FBN3: variants seen among roughly 807,000 people sequenced by gnomAD.
The protein encoded by FBN3 is fibrillin 3.
A neutral mutation model predicts 330.1 loss-of-function variants in FBN3; 234 were observed. That is an observed-to-expected ratio of 0.71 (90% CI 0.64 to 0.79). The LOEUF is 0.79. Ranked by LOEUF, FBN3 falls within the 30% of genes least tolerant of loss-of-function variation. The probability of loss-of-function intolerance (pLI) is 0.00; values close to 1 mark genes in which losing one functional copy is unlikely to be tolerated. For missense variants in FBN3, 3,606 were observed against 3,886.9 expected, an observed-to-expected ratio of 0.93 and a Z score of 1.92; for synonymous variants, 1,458 against 1,517.3, an observed-to-expected ratio of 0.96 and a Z score of 0.91.
chr19:8,103,413 G>C (rs2082370829), intron 39 of FBN3, 149 bp downstream of exon 39: 4 of 792,848 alleles, frequency 5.0e-6, no homozygotes, highest in Non-Finnish European at 7.9e-6. Flanking sequence ...CTGGGCTCCT[G>C]AGTCCTGCAG....
rs932769906 is a variant in FBN3 at position 8,132,521 on chromosome 19, C to T, written c.1714+463G>A. ...TTTTTTTTCTTCTGAGACGGAGTCTCACTCTTGTCACCCAGGCTGGAGTGC... is the reference window on the plus strand; with the variant it reads ...TTTTTTTTCTTCTGAGACGGAGTCTTACTCTTGTCACCCAGGCTGGAGTGC... On this transcript the variant is annotated intron_variant, in intron 14 of 63. Coordinates refer to ENST00000600128, the MANE Select transcript of FBN3 (RefSeq NM_032447.5). Among the ~76,000 whole-genome samples the T allele has an allele frequency of 2.0e-5, 3 of 151,852 alleles. No homozygotes were observed. In the East Asian group the frequency reaches 5.9e-4, roughly 30 times the overall value.
In FBN3 at chr19:8,109,764, G is replaced by A; in HGVS notation, c.4334-11C>T. 1 of 1,481,964 alleles carries A rather than the reference G, an allele frequency of 6.7e-7. No homozygotes were observed. Among genetic ancestry groups the A allele is most frequent in the Non-Finnish European group, 9.0e-7 (1 of 1,115,160 alleles). The allele number at this position is 1,481,964 out of a possible 1,614,324, so 91.8% of individuals were successfully genotyped here. On this transcript the variant is annotated splice_polypyrimidine_tract_variant and intron_variant, in intron 34 of 63. Transcript: ENST00000600128. This position sits in a 1 kb window ranked among gnomAD's most constrained non-coding sequence, Gnocchi z 5.2. ...CACACTCGTTGATGTCTGTAGGGAG[G>A]AAGCGCGGTCCTCAGCAGGGAGCCC...
chr19:8,135,936 G>GGGGGGGGGGGGCGCCCCCCCC, intron 13 of FBN3, 25 bp downstream of exon 13: 1 of 668,774 alleles, frequency 1.5e-6, no homozygotes, highest in Non-Finnish European at 2.4e-6. Context: ...GGAAGCCCCT[G>GGGGGGGGGGGGCGCCCCCCCC]CCCACCCGCC....
chr19:8,112,127 G>A (rs2082603728), intron 30 of FBN3, 28 bp from the exon 31 acceptor site: 3 of 1,606,094 alleles, frequency 1.9e-6, no homozygotes, highest in Admixed American at 1.7e-5. Flanking sequence ...ACGACGCCAA[G>A]ACCCAGTCAC....
chr19:8,138,024 C>G (rs2083326939), intron 10 of FBN3, 117 bp downstream of exon 10: 2 of 1,221,860 alleles, frequency 1.6e-6, no homozygotes, highest in African/African-American at 1.5e-5. Context: ...AGTTCCCCCT[C>G]CAAAGCCCTA....
intron 13 of FBN3, among the ~76,000 whole-genome samples, chr19:8,135,636 C>A (rs1334061233): frequency 6.6e-6 from 1 of 151,928 alleles, no homozygotes; most frequent in East Asian, 1.9e-4. Context: ...CAGCTCACTG[C>A]AGCCTCAACC....
chr19:8,111,273 G>C, intron 32 of FBN3, 90 bp from the exon 33 acceptor site: 3 of 1,455,842 alleles, frequency 2.1e-6, no homozygotes, highest in Non-Finnish European at 2.8e-6. Context: ...GGAACACTTC[G>C]CTGTCAGCCA....
Position 8,091,542 on chromosome 19 carries a change from C to G in FBN3, c.5954G>C (p.Cys1985Ser). ...CTGGAAGCTCCCAGGGCTGTTGGTA[C>G]AGGTGCCAAAGAGGCAGAGGTTGGG... ...EEPNLCLFGT[C>S]TNSPGSFQCL... Residue 1985 changes from cysteine (C) to serine (S), a missense_variant, in exon 48 of 64, where the codon TGT (cysteine) becomes TCT (serine). Cys to Ser is a moderately radical substitution (Grantham distance 112, BLOSUM62 -1). Transcript: ENST00000600128. The G allele has an allele frequency of 6.2e-7, 1 of 1,614,230 alleles. No individual in the cohort carries two copies. Among genetic ancestry groups the G allele is most frequent in the Non-Finnish European group, 8.5e-7 (1 of 1,180,052 alleles).
Position 8,072,111 on chromosome 19 carries a change from T to C in FBN3, c.8025A>G (p.Glu2675=). 6.2e-7 allele frequency: 1 copy of C among 1,612,232 alleles called. No individual in the cohort carries two copies. Among genetic ancestry groups the C allele is most frequent in the South Asian group, 1.1e-5 (1 of 90,970 alleles). The change falls in exon 63 of 64, where the codon GAA becomes GAG. Residue 2675 remains glutamate, a synonymous_variant. Coordinates refer to ENST00000600128, the MANE Select transcript of FBN3 (RefSeq NM_032447.5). ...EELLSSEACY[E]CKINGLSPRD... ...GAGGGGAGAGGCCATTGATCTTGCA[T>C]TCGTAGCAGGCTTCAGACGAGAGCA...
chr19:8,073,307 G>A lies in FBN3; in HGVS notation c.7703-10C>T, dbSNP rs768296078. 77 of 1,608,622 alleles carry A rather than the reference G, an allele frequency of 4.8e-5. No homozygotes were observed. The highest frequency in any genetic ancestry group is 8.4e-5 in the Admixed American group (5 of 59,708). The stretch of plus-strand genomic sequence containing the variant: ...GCACACTCATTCTCATCTGTGGGAG[G>A]AAAGGAGGAGGAGAGGGAGGACGCA... On this transcript the variant is annotated splice_polypyrimidine_tract_variant and intron_variant, in intron 61 of 63. Coordinates refer to ENST00000600128, the MANE Select transcript of FBN3 (RefSeq NM_032447.5).
intron 54 of FBN3, 131 bp downstream of exon 54, chr19:8,086,946 T>C (rs2081976715): frequency 1.8e-6 from 2 of 1,130,314 alleles, no homozygotes; most frequent in Admixed American, 3.1e-5. Flanking sequence ...GCTCAAGCGA[T>C]CCTCTCGCCT....
At chr19:8,087,362 A>G in intron 53 of FBN3, 151 bp from the exon 54 acceptor site, 1 of 858,802 alleles carries the variant, frequency 1.2e-6, no homozygotes, top group Non-Finnish European at 1.7e-6. Flanking sequence ...GGGAGCCCCC[A>G]GCTCCTGCCC....
chr19:8,113,695 C>T (rs1225074703), intron 30 of FBN3, among the ~76,000 whole-genome samples: 8 of 151,878 alleles, frequency 5.3e-5, no homozygotes, highest in Admixed American at 3.3e-4. Flanking sequence ...GGCGACACAG[C>T]GAGACCTCAT....
chr19:8,094,698 G>T, intron 46 of FBN3, 133 bp from the exon 47 acceptor site: 1 of 982,452 alleles, frequency 1.0e-6, no homozygotes, highest in Non-Finnish European at 1.5e-6. Flanking sequence ...GGCAATTCTG[G>T]CTCCAGGGCA....
intron 14 of FBN3, among the ~76,000 whole-genome samples, chr19:8,132,349 A>AT (rs554109440): frequency 1.8e-4 from 27 of 148,174 alleles, no homozygotes; most frequent in African/African-American, 3.0e-4. Flanking sequence ...TGCCCAGCTA[A>AT]TTTTTTTTTT....
intron 54 of FBN3, among the ~76,000 whole-genome samples, 188 bp downstream of exon 54, chr19:8,086,889 C>A (rs1599302151): frequency 6.6e-6 from 1 of 151,904 alleles, no homozygotes; most frequent in African/African-American, 2.4e-5. Context: ...CTGCCTGTCC[C>A]CCCCCACTGC....
At chr19:8,089,396 AC>A in intron 51 of FBN3, 148 bp downstream of exon 51, 1 of 784,268 alleles carries the variant, frequency 1.3e-6, no homozygotes, top group Middle Eastern at 3.8e-4. Context: ...TGAATGAAGC[AC>A]AGAGGGAGAA....
Position 8,085,357 on chromosome 19 carries a change from AC to A in FBN3, c.7087+5del, listed in dbSNP as rs762559853. On this transcript the variant is annotated splice_donor_5th_base_variant and intron_variant, in intron 56 of 63. Transcript: ENST00000600128. ...CCCTGGGGGTCCTGAGGGCATGGGC[AC>A]CCACCTCGGCCCTCAGCAGTGTAGC... 4 of 1,563,952 alleles carry A rather than the reference AC, an allele frequency of 2.6e-6. No homozygotes were observed. The Admixed American group carries it at 7.9e-5, about 31-fold the overall frequency.
intron 13 of FBN3, 25 bp downstream of exon 13, chr19:8,135,936 G>GGGGCCCCCCCCCCCCCCCCCCCCCCCCCC: frequency 1.5e-6 from 1 of 668,778 alleles, no homozygotes; most frequent in East Asian, 3.9e-5. Context: ...GGAAGCCCCT[G>GGGGCCCCCCCCCCCCCCCCCCCCCCCCCC]CCCACCCGCC....
Sources: gnomAD v4.1 joint callset for allele counts (sites outside exome capture counted in the v4.1 genomes callset) on GRCh38, gnomAD v4.1.1 for gene constraint, Gnocchi (gnomAD v3.1) non-coding constraint, MANE v1.5 for transcripts, NCBI Gene and HGNC (gene_info 2026-07-23, HGNC 2026-07-21) for gene names.